The following PIAS1 variants were observed in gnomAD, a reference collection of about 807,000 sequenced individuals.
The protein encoded by PIAS1 is protein inhibitor of activated STAT 1, also known as E3 SUMO-protein ligase PIAS1.
In PIAS1, 6 loss-of-function variants were observed where a neutral mutation model predicts 71.3. The ratio of observed to expected loss-of-function variants is 0.08; its 90% CI spans 0.05 to 0.17. The LOEUF is 0.17. Ranked by LOEUF, PIAS1 falls within the 10% of genes least tolerant of loss-of-function variation. PIAS1 has a pLI of 1.00. For synonymous variants in PIAS1, 303 were observed against 292.9 expected (o/e 1.03, Z -0.35); for missense variants, 555 against 793.6 (o/e 0.70, Z 3.61).
rs1267180175 is a variant in PIAS1 at position 68,133,498 on chromosome 15, A to C, written c.470-8448A>C. 2.0e-5 allele frequency among the ~76,000 whole-genome samples: 3 copies of C among 152,136 alleles called. No individual in the cohort carries two copies. In the South Asian group the frequency reaches 6.2e-4, roughly 31 times the overall value. ...ATGAAACAGTGAAGCTATAACAAAA[A>C]ATAGAGTACCAGCACCAGGATAAAA... On this transcript the variant is annotated intron_variant, in intron 2 of 13. Coordinates refer to ENST00000249636, the MANE Select transcript of PIAS1 (RefSeq NM_016166.3).
chr15:68,057,572 T>C, intron 1 of PIAS1: 1 of 406,618 alleles, frequency 2.5e-6, no homozygotes, highest in Non-Finnish European at 4.8e-6. Context: ...TAAAAGTTAC[T>C]ATGAGTGTGT....
chr15:68,089,596 C>G (rs2092316143), intron 2 of PIAS1, among the ~76,000 whole-genome samples: 1 of 152,112 alleles, frequency 6.6e-6, no homozygotes, highest in South Asian at 2.1e-4. Context: ...ATTCTGTAGC[C>G]CAGGCTGGAG....
Position 68,176,658 on chromosome 15 carries a change from A to G in PIAS1, c.1481+4A>G. 6.5e-7 allele frequency: 1 copy of G among 1,533,186 alleles called. No individual in the cohort carries two copies. Among genetic ancestry groups the G allele is most frequent in the Non-Finnish European group, 8.7e-7 (1 of 1,143,240 alleles). 95.0% of individuals were successfully genotyped at this position (1,533,186 alleles called of 1,614,324 possible). ...CATCACCACTAAATAATAAAGGGTA[A>G]GTGCTGAGACATTTAAAAAAAAAAG... On this transcript the variant is annotated splice_donor_region_variant and intron_variant, in intron 11 of 13. Coordinates refer to ENST00000249636, the MANE Select transcript of PIAS1 (RefSeq NM_016166.3).
intron 2 of PIAS1, among the ~76,000 whole-genome samples, chr15:68,117,565 C>T (rs963000344): frequency 1.3e-5 from 2 of 152,206 alleles, no homozygotes; most frequent in African/African-American, 4.8e-5. Context: ...TTCTCTACTT[C>T]TGTGAGAACA....
In PIAS1 at chr15:68,127,765, GTATT is replaced by G. The variant is rs1288569591; in HGVS notation, c.470-14171_470-14168del. The stretch of plus-strand genomic sequence containing the variant: ...TTTGTTTTCATTTTATTTTATTTAT[GTATT>G]TATTTATTTTTGAGATGGAGTCTCG... On this transcript the variant is annotated intron_variant, in intron 2 of 13. Coordinates refer to ENST00000249636, the MANE Select transcript of PIAS1 (RefSeq NM_016166.3). Among the ~76,000 whole-genome samples the G allele has an allele frequency of 2.0e-5, 3 of 151,884 alleles. No individual in the cohort carries two copies. The East Asian group carries it at 5.8e-4, about 29-fold the overall frequency.
At chr15:68,109,606 C>G (rs1194758034) in intron 2 of PIAS1, among the ~76,000 whole-genome samples, 1 of 152,156 alleles carries the variant, frequency 6.6e-6, no homozygotes, top group Non-Finnish European at 1.5e-5. Context: ...CCTCCAGATT[C>G]AAATCTAGCC....
intron 7 of PIAS1, among the ~76,000 whole-genome samples, chr15:68,157,385 C>T (rs1318733846): frequency 6.6e-6 from 1 of 152,152 alleles, no homozygotes; most frequent in Non-Finnish European, 1.5e-5. Flanking sequence ...ATGGATAGAG[C>T]TCTGTGTTCC....
At chr15:68,160,772 CTG>C (rs1472258157) in intron 7 of PIAS1, among the ~76,000 whole-genome samples, 5 of 152,142 alleles carry the variant, frequency 3.3e-5, no homozygotes, top group African/African-American at 9.7e-5. Context: ...CATGATAAAA[CTG>C]TCAGCAAAAT....
chr15:68,150,553 T>C (rs1025332909), intron 6 of PIAS1, among the ~76,000 whole-genome samples: 2 of 152,334 alleles, frequency 1.3e-5, no homozygotes, highest in Admixed American at 1.3e-4. Context: ...GTGAGAAATG[T>C]TGCAACTGTG....
At chr15:68,113,146 A>G (rs1343030287) in intron 2 of PIAS1, among the ~76,000 whole-genome samples, 1 of 152,150 alleles carries the variant, frequency 6.6e-6, no homozygotes, top group Non-Finnish European at 1.5e-5. Context: ...TAAGAAGTGT[A>G]TTCAATGCAA....
chr15:68,149,731 T>C (rs1462504619), intron 6 of PIAS1, among the ~76,000 whole-genome samples: 2 of 152,196 alleles, frequency 1.3e-5, no homozygotes, highest in Non-Finnish European at 2.9e-5. Flanking sequence ...ATATTGGTTC[T>C]ATTAGCTTTT....
intron 7 of PIAS1, 136 bp from the exon 8 acceptor site, chr15:68,164,595 T>G (rs2092945061): frequency 2.0e-6 from 1 of 491,428 alleles, no homozygotes; most frequent in African/African-American, 1.9e-5. Flanking sequence ...ATGGTTGTTT[T>G]TATCTTTCCA....
At chr15:68,098,689 C>CT (rs2092398347) in intron 2 of PIAS1, among the ~76,000 whole-genome samples, 1 of 152,152 alleles carries the variant, frequency 6.6e-6, no homozygotes, top group African/African-American at 2.4e-5. Context: ...GGGGTAGCTG[C>CT]TGCACCTACA....
chr15:68,175,568 T>C, intron 9 of PIAS1, 69 bp from the exon 10 acceptor site: 2 of 792,718 alleles, frequency 2.5e-6, no homozygotes, highest in Admixed American at 7.7e-5. Flanking sequence ...TAAGAATAAA[T>C]ATAACTTAAG....
rs1488915791 is a variant in PIAS1 at position 68,171,259 on chromosome 15, G to A, written c.1009-2473G>A. ...GTCTTCAGTGGCAGTAACAGACATG[G>A]AGCTGTTCTCTCTTATGGTAACAGT... On this transcript the variant is annotated intron_variant, in intron 8 of 13. Coordinates refer to ENST00000249636, the MANE Select transcript of PIAS1 (RefSeq NM_016166.3). This position sits in a 1 kb window ranked among gnomAD's most constrained non-coding sequence, Gnocchi z 4.4. Among the ~76,000 whole-genome samples, 3 of 151,832 alleles carry A rather than the reference G, an allele frequency of 2.0e-5. No individual in the cohort carries two copies. Among genetic ancestry groups the A allele is most frequent in the Non-Finnish European group, 4.4e-5 (3 of 67,942 alleles).
At chr15:68,172,581 G>A (rs915440884) in intron 8 of PIAS1, among the ~76,000 whole-genome samples, 1 of 152,138 alleles carries the variant, frequency 6.6e-6, no homozygotes, top group African/African-American at 2.4e-5. Flanking sequence ...CAGCACAAGC[G>A]TTTATATTTT....
rs142931073 is a variant in PIAS1 at position 68,167,136 on chromosome 15, A to G, written c.1008+2332A>G. On this transcript the variant is annotated intron_variant, in intron 8 of 13. Transcript: ENST00000249636. This position sits in a 1 kb window ranked among gnomAD's most constrained non-coding sequence, Gnocchi z 4.4. ...ACACCTGGCCAGCAGTTCATTTTAA[A>G]TTGACATCTGCTTTAAAAATTCAGA... is the stretch of plus-strand genomic sequence containing the variant. Among the ~76,000 whole-genome samples the G allele has an allele frequency of 2.4e-3, 369 of 152,266 alleles. 1 individual carries two copies. The highest frequency in any genetic ancestry group is 4.1e-3 in the South Asian group (20 of 4,824).
intron 1 of PIAS1, among the ~76,000 whole-genome samples, chr15:68,068,789 C>T (rs763996574): frequency 2.6e-5 from 4 of 151,556 alleles, no homozygotes; most frequent in Admixed American, 2.6e-4. Context: ...GCTTATGTGT[C>T]AATGCTCTCA....
rs2141113784 is a variant in PIAS1 at position 68,189,326 on chromosome 15, A to C, written c.*1491A>C. ...TTTAGTTGATTGAGAATGCAGGTTT[A>C]ACAGAAGAGATAAGGGGCATAATGA... is the stretch of plus-strand genomic sequence containing the variant. On this transcript the variant is annotated 3_prime_UTR_variant, in exon 14 of 14. Transcript: ENST00000249636. 6.6e-6 allele frequency: 1 copy of C among 152,350 alleles called. No homozygotes were observed. The highest frequency in any genetic ancestry group is 1.9e-4 in the East Asian group (1 of 5,188). 9.4% of individuals were successfully genotyped at this position (152,350 alleles called of 1,614,324 possible). A position where few individuals can be genotyped will look rare whatever the true frequency, so the allele number is the denominator to read the frequency against.
Sources: allele counts gnomAD v4.1 joint callset (sites outside exome capture counted in the v4.1 genomes callset), GRCh38; gene constraint gnomAD v4.1.1; non-coding constraint Gnocchi (gnomAD v3.1); transcripts MANE v1.5; gene names NCBI Gene and HGNC (gene_info 2026-07-23, HGNC 2026-07-21).